FRMD5: variants seen among roughly 807,000 people sequenced by gnomAD.
FRMD5 encodes FERM domain-containing protein 5.
Under a neutral mutation model 69.0 loss-of-function variants are expected in FRMD5, and 20 were observed. That is an observed-to-expected ratio of 0.29 (90% CI 0.20 to 0.42). FRMD5 has a LOEUF of 0.42. FRMD5 is among the 10% of genes least tolerant of loss of function. The pLI, the probability that FRMD5 is intolerant of heterozygous loss-of-function variation, is 1.00. For missense variants in FRMD5, 595 were observed against 708.6 expected (o/e 0.84, Z 1.82); for synonymous variants, 271 against 260.1 (o/e 1.04, Z -0.40).
intron 1 of FRMD5, among the ~76,000 whole-genome samples, chr15:44,186,499 T>C (rs2078104302): frequency 6.6e-6 from 1 of 152,066 alleles, no homozygotes; most frequent in Non-Finnish European, 1.5e-5. Context: ...ACTATGAGGG[T>C]TCCTAATGAT....
intron 1 of FRMD5, among the ~76,000 whole-genome samples, chr15:44,138,980 G>A (rs1056965040): frequency 2.6e-5 from 4 of 152,230 alleles, no homozygotes; most frequent in African/African-American, 9.6e-5. Context: ...CACTGTTGGT[G>A]AGCACAGGAT....
At position 43,902,266 on chromosome 15, in the gene FRMD5, G is replaced by A. The variant is rs370503419; in HGVS notation, c.552-4C>T. The A allele has an allele frequency of 1.5e-5, 24 of 1,610,518 alleles. No homozygotes were observed. The highest frequency in any genetic ancestry group is 1.6e-4 in the Middle Eastern group (1 of 6,078). ...TGATGTTGCTGGTGTTTGACCACTG[G>A]AATAAAGAAGATGAGATGATTTCAA... On this transcript the variant is annotated splice_polypyrimidine_tract_variant and splice_region_variant and intron_variant, in intron 6 of 13. Transcript: ENST00000417257.
intron 1 of FRMD5, among the ~76,000 whole-genome samples, chr15:43,949,647 C>T (rs1384209894): frequency 1.3e-5 from 2 of 152,164 alleles, no homozygotes; most frequent in African/African-American, 4.8e-5. Flanking sequence ...TGCATCATTC[C>T]ACATAGCCAA....
intron 1 of FRMD5, among the ~76,000 whole-genome samples, chr15:44,131,428 C>G (rs953563074): frequency 1.3e-5 from 2 of 151,928 alleles, no homozygotes; most frequent in Non-Finnish European, 2.9e-5. Flanking sequence ...ACTATATGAT[C>G]CAAAGATTCT....
intron 1 of FRMD5, among the ~76,000 whole-genome samples, chr15:44,038,324 G>C (rs930565210): frequency 1.8e-4 from 27 of 152,058 alleles, no homozygotes; most frequent in African/African-American, 6.5e-4. Flanking sequence ...TTTAGTTTTT[G>C]TTGCCATTGC....
Position 44,161,539 on chromosome 15 carries a change from T to C in FRMD5, c.102+33414A>G, listed in dbSNP as rs111474313. On this transcript the variant is annotated intron_variant, in intron 1 of 13. Transcript: ENST00000417257. Reference sequence around the variant, plus strand: ...GCAACATGCTTAACTATTAAGGTTATGTATAATTTTCCAATAAAATACAAT... The same window carrying C: ...GCAACATGCTTAACTATTAAGGTTACGTATAATTTTCCAATAAAATACAAT... Among the ~76,000 whole-genome samples the C allele has an allele frequency of 3.9e-3, 593 of 152,360 alleles. 5 individuals are homozygous for C. Among genetic ancestry groups the C allele is most frequent in the African/African-American group, 0.013 (555 of 41,582 alleles).
chr15:43,970,808 G>A, intron 1 of FRMD5, among the ~76,000 whole-genome samples: 1 of 152,220 alleles, frequency 6.6e-6, no homozygotes. Context: ...TAAATGAGAC[G>A]TCTTTTTCTC....
At chr15:43,896,484 A>C (rs1357759801) in intron 7 of FRMD5, among the ~76,000 whole-genome samples, 1 of 152,256 alleles carries the variant, frequency 6.6e-6, no homozygotes, top group African/African-American at 2.4e-5. Context: ...ATTCCTTGTC[A>C]TTCATGTGTT....
intron 1 of FRMD5, among the ~76,000 whole-genome samples, chr15:44,105,601 T>C (rs2076705639): frequency 6.6e-6 from 1 of 152,210 alleles, no homozygotes; most frequent in South Asian, 2.1e-4. Flanking sequence ...TTTGGTAACA[T>C]GTTTTGTCAT....
intron 1 of FRMD5, among the ~76,000 whole-genome samples, chr15:44,116,834 C>A (rs1305484624): frequency 6.6e-6 from 1 of 152,098 alleles, no homozygotes; most frequent in Admixed American, 6.5e-5. Flanking sequence ...TTAATCCCAG[C>A]ACTTAGGGAG....
At chr15:44,016,792 G>A (rs1356202675) in intron 1 of FRMD5, among the ~76,000 whole-genome samples, 1 of 151,410 alleles carries the variant, frequency 6.6e-6, no homozygotes, top group African/African-American at 2.4e-5. Context: ...AAATAGAGTG[G>A]CCTTGGATAA....
intron 5 of FRMD5, 32 bp downstream of exon 5, chr15:43,909,850 A>G (rs2089253697): frequency 7.3e-7 from 1 of 1,374,950 alleles, no homozygotes; most frequent in Non-Finnish European, 1.0e-6. Flanking sequence ...ACTTGGCATG[A>G]AAAGCAAACT....
intron 1 of FRMD5, among the ~76,000 whole-genome samples, chr15:44,162,957 G>A (rs1595541547): frequency 6.6e-6 from 1 of 150,420 alleles, no homozygotes; most frequent in Non-Finnish European, 1.5e-5. Flanking sequence ...GTCGGATCAC[G>A]AGATCAGGAG....
intron 1 of FRMD5, among the ~76,000 whole-genome samples, chr15:44,048,854 G>A (rs1293648251): frequency 1.3e-5 from 2 of 152,128 alleles, no homozygotes; most frequent in South Asian, 2.1e-4. Context: ...TTATAGGCGT[G>A]AGCCACCATG....
At chr15:43,970,702 C>T (rs2090361832) in intron 1 of FRMD5, among the ~76,000 whole-genome samples, 1 of 152,166 alleles carries the variant, frequency 6.6e-6, no homozygotes, top group Non-Finnish European at 1.5e-5. Flanking sequence ...AGTGATATGC[C>T]TTGGCCTCCC....
chr15:43,962,142 A>G (rs143288663), intron 1 of FRMD5, among the ~76,000 whole-genome samples: 407 of 152,332 alleles, frequency 2.7e-3, no homozygotes, highest in Non-Finnish European at 4.3e-3. Context: ...ACATGATTGT[A>G]TATCTACAAA....
chr15:43,902,975 G>A (rs2089082841), intron 6 of FRMD5, among the ~76,000 whole-genome samples: 1 of 152,188 alleles, frequency 6.6e-6, no homozygotes, highest in African/African-American at 2.4e-5. Context: ...ACAGTGCTGA[G>A]CTCCCATGCT....
At chr15:44,065,947 C>T (rs919507211) in intron 1 of FRMD5, among the ~76,000 whole-genome samples, 5 of 152,132 alleles carry the variant, frequency 3.3e-5, no homozygotes, top group African/African-American at 1.2e-4. Context: ...TCAACCAGTT[C>T]CACTTTTTTT....
intron 1 of FRMD5, among the ~76,000 whole-genome samples, chr15:44,155,064 C>G (rs1272692999): frequency 6.6e-6 from 1 of 152,182 alleles, no homozygotes; most frequent in Non-Finnish European, 1.5e-5. Context: ...CATCATACAT[C>G]TATCAGCTAA....
Sources: allele counts gnomAD v4.1 joint callset (sites outside exome capture counted in the v4.1 genomes callset), GRCh38; gene constraint gnomAD v4.1.1; transcripts MANE v1.5; gene names NCBI Gene and HGNC (gene_info 2026-07-23, HGNC 2026-07-21).